GRIN2C: variants seen among roughly 807,000 people sequenced by gnomAD.
GRIN2C encodes the protein glutamate receptor ionotropic, NMDA 2C.
Under a neutral mutation model 77.7 loss-of-function variants are expected in GRIN2C, and 64 were observed. That is an observed-to-expected ratio of 0.82 (90% CI 0.67 to 1.01). GRIN2C has a LOEUF of 1.01. Ranked by LOEUF, GRIN2C falls within the 50% of genes least tolerant of loss-of-function variation. The pLI, the probability that GRIN2C is intolerant of heterozygous loss-of-function variation, is 0.00. For synonymous variants in GRIN2C, 792 were observed against 643.4 expected, an observed-to-expected ratio of 1.23 and a Z score of -3.49; for missense variants, 1,549 against 1,486.0, an observed-to-expected ratio of 1.04 and a Z score of -0.70.
chr17:74,852,858 G>GA (rs968410045), intron 2 of GRIN2C: 27 of 405,964 alleles, frequency 6.7e-5, no homozygotes, highest in Non-Finnish European at 9.1e-5. Flanking sequence ...CACCACTGGG[G>GA]AGTTTGTCAG....
Position 74,854,947 on chromosome 17 carries a change from C to A in GRIN2C, c.146G>T (p.Arg49Leu), listed in dbSNP as rs199574004. The change falls in exon 2 of 13, where the codon CGC (arginine) becomes CTC (leucine). Residue 49 changes from arginine (R) to leucine (L), a missense_variant. Arg to Leu is a moderately radical substitution (Grantham distance 102, BLOSUM62 -2). This residue lies in a region of GRIN2C where 382 missense variants were observed against 360.0 expected (regional missense o/e 1.06). Coordinates refer to ENST00000293190, the MANE Select transcript of GRIN2C (RefSeq NM_000835.6). ...GTCCAGGAAGCTCTGGGGGGTGAGG[C>A]GGGCACGGAACTGGGCCTGGGGCGG... ...SGPPQAQFRARLTPQSFLDLP... is the reference protein window; with the variant it reads ...SGPPQAQFRALLTPQSFLDLP... 5.6e-6 allele frequency: 9 copies of A among 1,612,878 alleles called. No homozygotes were observed. The South Asian group carries it at 9.9e-5, about 18-fold the overall frequency.
Position 74,849,567 on chromosome 17 carries a change from C to T in GRIN2C, c.1645+213G>A, listed in dbSNP as rs879592786. On this transcript the variant is annotated intron_variant, in intron 7 of 12. Coordinates refer to ENST00000293190, the MANE Select transcript of GRIN2C (RefSeq NM_000835.6). This position sits in a 1 kb window ranked among gnomAD's most constrained non-coding sequence, Gnocchi z 4.6. ...CCACGACCCATCCCACACCCCCAAC[C>T]CCACCCTCACCTGGCAGCCATACCT... Among the ~76,000 whole-genome samples the T allele has an allele frequency of 1.3e-5, 2 of 152,184 alleles. No individual in the cohort carries two copies. The highest frequency in any genetic ancestry group is 2.4e-5 in the African/African-American group (1 of 41,444).
In GRIN2C at chr17:74,849,924, T is replaced by C. The variant is rs2144583131; in HGVS notation, c.1501A>G (p.Lys501Glu). 6.2e-7 allele frequency: 1 copy of C among 1,612,884 alleles called. No individual in the cohort carries two copies. Among genetic ancestry groups the C allele is most frequent in the Non-Finnish European group, 8.5e-7 (1 of 1,179,618 alleles). ...GAGCCGATGGCCATGTCTGCCCGCT[T>C]GTAGTACACCTGGGGGCCGGACGCC... is the stretch of plus-strand genomic sequence containing the variant. ...WNGMIGEVYYKRADMAIGSLT... is the reference protein window; with the variant it reads ...WNGMIGEVYYERADMAIGSLT... The change falls in exon 7 of 13, where the codon AAG becomes GAG. Residue 501 changes from lysine (K) to glutamate (E), a missense_variant. By Grantham distance (56) the Lys-to-Glu change is moderately conservative. Around this residue, in one of 3 missense-constraint regions of GRIN2C, gnomAD observed 717 missense variants for 858.1 expected, o/e 0.84. Coordinates refer to ENST00000293190, the MANE Select transcript of GRIN2C (RefSeq NM_000835.6). The surrounding 1 kb of genome is among the most constrained non-coding windows in gnomAD (Gnocchi z 4.6).
rs780501608 is a variant in GRIN2C at position 74,855,001 on chromosome 17, GT to G, written c.91del (p.Thr31ArgfsTer161). The G allele has an allele frequency of 3.1e-6, 5 of 1,606,134 alleles. No homozygotes were observed. The highest frequency in any genetic ancestry group is 8.5e-7 in the Non-Finnish European group (1 of 1,179,712). On this transcript the variant is annotated frameshift_variant, in exon 2 of 13. Transcript: ENST00000293190. LOFTEE classifies it high-confidence loss of function. ...TGAGCTGCTAAACACCACGGCCACC[GT>G]CATGCCCTGCTCGCCCTGCCCCGGA... ...LGPGQGEQGM[T>X]VAVVFSSSGP... is the part of the protein sequence containing the mutation.
rs73997506 is a variant in GRIN2C, at chr17:74,844,737, G to A, written c.2351-229C>T. Among the ~76,000 whole-genome samples the A allele has an allele frequency of 8.4e-3, 1,272 of 152,202 alleles. 24 individuals carry two copies. Among genetic ancestry groups the A allele is most frequent in the African/African-American group, 0.028 (1,153 of 41,504 alleles). ...GAAAGCAGGGTGGAGGCTGGAGTGG[G>A]CAATGCTGGCCTTTGGGTCCTCCCC... On this transcript the variant is annotated intron_variant, in intron 11 of 12. Coordinates refer to ENST00000293190, the MANE Select transcript of GRIN2C (RefSeq NM_000835.6).
chr17:74,846,160 C>A lies in GRIN2C; in HGVS notation c.2256G>T (p.Lys752Asn). 6 of 1,614,210 alleles carry A rather than the reference C, an allele frequency of 3.7e-6. No homozygotes were observed. Among genetic ancestry groups the A allele is most frequent in the Non-Finnish European group, 5.1e-6 (6 of 1,180,024 alleles). Reference protein sequence around the residue: ...GCKLVTIGSGKVFATTGYGIA... With the variant: ...GCKLVTIGSGNVFATTGYGIA... Reference sequence around the variant, plus strand: ...TGCCGTAGCCAGTGGTAGCAAAGACCTTGCCAGACCCAATGGTGACCAGCT... The same window carrying A: ...TGCCGTAGCCAGTGGTAGCAAAGACATTGCCAGACCCAATGGTGACCAGCT... The change falls in exon 11 of 13, where the codon AAG becomes AAT. Residue 752 changes from lysine to asparagine, a missense_variant. This residue lies in a region of GRIN2C where 717 missense variants were observed against 858.1 expected (regional missense o/e 0.84). Transcript: ENST00000293190. This position sits in a 1 kb window ranked among gnomAD's most constrained non-coding sequence, Gnocchi z 4.4.
rs1188165388 is a variant in GRIN2C at position 74,851,663 on chromosome 17, G to C, written c.1027C>G (p.Arg343Gly). ...CCACCAGGGCTGAAGGAGAAGTCTCGGCCCTCCCAGGTGACATTCAGTAGG... is the reference window on the plus strand; with the variant it reads ...CCACCAGGGCTGAAGGAGAAGTCTCCGCCCTCCCAGGTGACATTCAGTAGG... ...RHLLNVTWEG[R>G]DFSFSPGGYL... Residue 343 changes from arginine to glycine, a missense_variant, in exon 4 of 13, where the codon CGA becomes GGA. Transcript: ENST00000293190. 6.4e-7 allele frequency: 1 copy of C among 1,570,452 alleles called. No individual in the cohort carries two copies. Among genetic ancestry groups the C allele is most frequent in the Non-Finnish European group, 8.6e-7 (1 of 1,157,212 alleles).
Position 74,842,525 on chromosome 17 carries a change from C to T in GRIN2C, c.3612G>A (p.Leu1204=), listed in dbSNP as rs1205929234. ...CACGGGCTACCCTGCTGATCTCGTC[C>T]AGTCCCCCACTGTCTCTGTAGCCTG... ...LGTGYRDSGG[L]DEISRVARGT... The change falls in exon 13 of 13, where the codon CTG becomes CTA. Residue 1204 remains leucine, a synonymous_variant. Transcript: ENST00000293190. 2.6e-6 allele frequency: 2 copies of T among 779,032 alleles called. No individual in the cohort carries two copies. Among genetic ancestry groups the T allele is most frequent in the East Asian group, 2.4e-5 (1 of 41,188 alleles). The allele number at this position is 779,032 out of a possible 1,614,324, so 48.3% of individuals were successfully genotyped here.
Position 74,846,687 on chromosome 17 carries a change from C to T in GRIN2C, c.2162+73G>A, listed in dbSNP as rs898727639. 2 of 1,487,748 alleles carry T rather than the reference C, an allele frequency of 1.3e-6. No individual in the cohort carries two copies. Among genetic ancestry groups the T allele is most frequent in the East Asian group, 4.5e-5 (2 of 44,088 alleles). 92.2% of individuals were successfully genotyped at this position (1,487,748 alleles called of 1,614,324 possible). On this transcript the variant is annotated intron_variant, in intron 10 of 12. Transcript: ENST00000293190. The surrounding 1 kb of genome is among the most constrained non-coding windows in gnomAD (Gnocchi z 4.4). ...CAGGACAGCCCAGTCCCACTGTCCC[C>T]ACATTGAGAGCTAAGGCTGGTCACT...
chr17:74,842,210 C>A lies in GRIN2C; in HGVS notation c.*225G>T. 1.9e-6 allele frequency: 1 copy of A among 516,654 alleles called. No homozygotes were observed. The highest frequency in any genetic ancestry group is 3.4e-6 in the Non-Finnish European group (1 of 294,456). The allele number at this position is 516,654 out of a possible 1,614,324, so 32.0% of individuals were successfully genotyped here. A position where few individuals can be genotyped will look rare whatever the true frequency, so the allele number is the denominator to read the frequency against. ...AGGAGTCTGACCCCCACAGCACACC[C>A]TCCTGGCAGAACTCTGCGTGAGAAG... On this transcript the variant is annotated 3_prime_UTR_variant, in exon 13 of 13. Transcript: ENST00000293190.
Position 74,849,665 on chromosome 17 carries a change from T to G in GRIN2C, c.1645+115A>C. 2 of 926,158 alleles carry G rather than the reference T, an allele frequency of 2.2e-6. No individual in the cohort carries two copies. Among genetic ancestry groups the G allele is most frequent in the Non-Finnish European group, 3.3e-6 (2 of 610,308 alleles). 57.4% of individuals were successfully genotyped at this position (926,158 alleles called of 1,614,324 possible). On this transcript the variant is annotated intron_variant, in intron 7 of 12. Coordinates refer to ENST00000293190, the MANE Select transcript of GRIN2C (RefSeq NM_000835.6). This position sits in a 1 kb window ranked among gnomAD's most constrained non-coding sequence, Gnocchi z 4.6. The stretch of plus-strand genomic sequence containing the variant: ...CCAGCCAACCTCCAAGACCCAAGGC[T>G]GCTGTGCTTGGCCTGTGAGAGCCCA...
chr17:74,848,010 G>T (rs372730559), intron 7 of GRIN2C, 33 bp from the exon 8 acceptor site: 1 of 1,612,500 alleles, frequency 6.2e-7, no homozygotes, highest in Non-Finnish European at 8.5e-7. Flanking sequence ...CAGAGGCCTC[G>T]GCATGTTCCC....
At chr17:74,857,562 G>T (rs1295112100) in intron 1 of GRIN2C, among the ~76,000 whole-genome samples, 1 of 152,218 alleles carries the variant, frequency 6.6e-6, no homozygotes, top group African/African-American at 2.4e-5. Context: ...AGGGATGTCA[G>T]ATCTCAACCA....
Position 74,842,267 on chromosome 17 carries a change from T to TTGAGGCTAC in GRIN2C, c.*159_*167dup. The TTGAGGCTAC allele has an allele frequency of 1.8e-6, 1 of 566,422 alleles. No individual in the cohort carries two copies. Among genetic ancestry groups the TTGAGGCTAC allele is most frequent in the Non-Finnish European group, 3.1e-6 (1 of 319,588 alleles). 35.1% of individuals were successfully genotyped at this position (566,422 alleles called of 1,614,324 possible). A position where few individuals can be genotyped will look rare whatever the true frequency, so the allele number is the denominator to read the frequency against. On this transcript the variant is annotated 3_prime_UTR_variant, in exon 13 of 13. Coordinates refer to ENST00000293190, the MANE Select transcript of GRIN2C (RefSeq NM_000835.6). ...GCAAAAGCCCAGCCCTCACCATGAT[T>TTGAGGCTAC]TGAGGCTACTGAGGTCACTGATGAC... is the stretch of plus-strand genomic sequence containing the variant.
Position 74,847,095 on chromosome 17 carries a change from G to A in GRIN2C, c.2002-175C>T. Reference sequence around the variant, plus strand: ...TCCAAATGGAGACTCTGAGGCCCAAGACAGGGAGAGACTTACCCAAGGCCT... The same window carrying A: ...TCCAAATGGAGACTCTGAGGCCCAAAACAGGGAGAGACTTACCCAAGGCCT... On this transcript the variant is annotated intron_variant, in intron 9 of 12. Transcript: ENST00000293190. The surrounding 1 kb of genome is among the most constrained non-coding windows in gnomAD (Gnocchi z 5.2). 1 of 755,006 alleles carries A rather than the reference G, an allele frequency of 1.3e-6. No homozygotes were observed. Among genetic ancestry groups the A allele is most frequent in the South Asian group, 1.8e-5 (1 of 54,440 alleles). The allele number at this position is 755,006 out of a possible 1,614,324, so 46.8% of individuals were successfully genotyped here. A position where few individuals can be genotyped will look rare whatever the true frequency, so the allele number is the denominator to read the frequency against.
Position 74,843,500 on chromosome 17 carries a change from C to G in GRIN2C, c.2637G>C (p.Gln879His). Residue 879 changes from glutamine (Q) to histidine (H), a missense_variant, in exon 13 of 13, where the codon CAG (glutamine) becomes CAC (histidine). This residue lies in a region of GRIN2C where 450 missense variants were observed against 267.9 expected (regional missense o/e 1.68). Transcript: ENST00000293190. ...AGCTGGCCGTGAGGTCCGGGCTGGC[C>G]TGCCGCGGTGGGCTGGCGAGGCTCT... ...GVQSLASPPR[Q>H]ASPDLTASSA... 1 of 1,533,764 alleles carries G rather than the reference C, an allele frequency of 6.5e-7. No homozygotes were observed. The highest frequency in any genetic ancestry group is 8.7e-7 in the Non-Finnish European group (1 of 1,146,478).
chr17:74,852,572 C>T lies in GRIN2C; in HGVS notation c.439G>A (p.Glu147Lys). 7 of 1,480,558 alleles carry T rather than the reference C, an allele frequency of 4.7e-6. No homozygotes were observed. The highest frequency in any genetic ancestry group is 5.4e-6 in the Non-Finnish European group (6 of 1,115,616). The allele number at this position is 1,480,558 out of a possible 1,614,324, so 91.7% of individuals were successfully genotyped here. A position where few individuals can be genotyped will look rare whatever the true frequency, so the allele number is the denominator to read the frequency against. The change falls in exon 3 of 13, where the codon GAG (glutamate) becomes AAG (lysine). Residue 147 changes from glutamate to lysine, a missense_variant. This residue lies in a region of GRIN2C where 382 missense variants were observed against 360.0 expected (regional missense o/e 1.06). Transcript: ENST00000293190. ...TTGAACAGCACCTGCAGCTGCTGCT[C>T]CAGGGACACGCCCAGCTGCAGGAAG... is the stretch of plus-strand genomic sequence containing the variant. Reference protein sequence around the residue: ...SAFLQLGVSLEQQLQVLFKVL... With the variant: ...SAFLQLGVSLKQQLQVLFKVL...
chr17:74,846,990 A>C lies in GRIN2C; in HGVS notation c.2002-70T>G. 1 of 1,507,356 alleles carries C rather than the reference A, an allele frequency of 6.6e-7. No homozygotes were observed. Among genetic ancestry groups the C allele is most frequent in the South Asian group, 1.2e-5 (1 of 81,008 alleles). The allele number at this position is 1,507,356 out of a possible 1,614,324, so 93.4% of individuals were successfully genotyped here. The stretch of plus-strand genomic sequence containing the variant: ...TTCCAGGCACCAAAGCCCCAAACCC[A>C]CCCCAGAGCCCAGCCCCAGTGTGGA... On this transcript the variant is annotated intron_variant, in intron 9 of 12. Coordinates refer to ENST00000293190, the MANE Select transcript of GRIN2C (RefSeq NM_000835.6). The surrounding 1 kb of genome is among the most constrained non-coding windows in gnomAD (Gnocchi z 4.4).
At chr17:74,848,198 T>C (rs1426957567) in intron 7 of GRIN2C, among the ~76,000 whole-genome samples, 2 of 149,180 alleles carry the variant, frequency 1.3e-5, no homozygotes, top group African/African-American at 2.5e-5. Flanking sequence ...CGCCCCCCAC[T>C]TCCCTGGGAC....
Sources: gnomAD v4.1 joint callset for allele counts (sites outside exome capture counted in the v4.1 genomes callset) on GRCh38, gnomAD v4.1.1 for gene constraint, gnomAD v4.1.1 regional missense constraint, Gnocchi (gnomAD v3.1) non-coding constraint, MANE v1.5 for transcripts, NCBI Gene and HGNC (gene_info 2026-07-23, HGNC 2026-07-21) for gene names.